Variants in HS3ST2 observed in about 807,000 individuals in gnomAD.
HS3ST2 encodes heparan sulfate glucosamine 3-O-sulfotransferase 2.
HS3ST2 carries 17 observed loss-of-function variants against 26.3 expected under a neutral mutation model. The observed-to-expected ratio is 0.65, with a 90% confidence interval of 0.44 to 0.97. HS3ST2 has a LOEUF of 0.97. Ranked by LOEUF, HS3ST2 falls within the 50% of genes least tolerant of loss-of-function variation. The pLI is 0.00. For synonymous variants in HS3ST2, 237 were observed against 219.2 expected (o/e 1.08, Z -0.72); for missense variants, 402 against 501.2 (o/e 0.80, Z 1.89).
chr16:22,882,655 C>G (rs926712465), intron 1 of HS3ST2, among the ~76,000 whole-genome samples: 6 of 152,032 alleles, frequency 3.9e-5, no homozygotes, highest in African/African-American at 1.4e-4. Context: ...TGCTTGAACC[C>G]AGGAGGCAGA....
chr16:22,852,658 A>G (rs1166274489), intron 1 of HS3ST2, among the ~76,000 whole-genome samples: 1 of 151,980 alleles, frequency 6.6e-6, no homozygotes, highest in African/African-American at 2.4e-5. Context: ...TCTCTGTCAC[A>G]TTCATTTTGT....
intron 1 of HS3ST2, among the ~76,000 whole-genome samples, chr16:22,847,625 T>A (rs1005224870): frequency 8.6e-5 from 13 of 150,958 alleles, no homozygotes; most frequent in African/African-American, 3.2e-4. Flanking sequence ...GGAAGAGAAG[T>A]ATGAGGATAA....
chr16:22,819,296 ACTG>A (rs1405570572), intron 1 of HS3ST2, among the ~76,000 whole-genome samples: 1 of 151,728 alleles, frequency 6.6e-6, no homozygotes, highest in Non-Finnish European at 1.5e-5. Context: ...TGATGCCTGA[ACTG>A]CTTTGCAACC....
intron 1 of HS3ST2, among the ~76,000 whole-genome samples, chr16:22,816,372 C>A (rs964757330): frequency 5.3e-5 from 8 of 152,178 alleles, no homozygotes; most frequent in Non-Finnish European, 7.3e-5. Context: ...AGAAAGAGGA[C>A]CCCACTGGGC....
chr16:22,891,520 C>T (rs147462050), intron 1 of HS3ST2, among the ~76,000 whole-genome samples: 125 of 151,552 alleles, frequency 8.2e-4, no homozygotes, highest in Middle Eastern at 3.4e-3. Flanking sequence ...AAGGGTGCAA[C>T]AAGGATATAA....
intron 1 of HS3ST2, among the ~76,000 whole-genome samples, chr16:22,851,649 C>T (rs919130155): frequency 1.3e-5 from 2 of 152,174 alleles, no homozygotes; most frequent in African/African-American, 4.8e-5. Context: ...AGTTGTTTAT[C>T]ATATTTCCTG....
chr16:22,900,235 G>A (rs1431391416), intron 1 of HS3ST2, among the ~76,000 whole-genome samples: 3 of 152,230 alleles, frequency 2.0e-5, no homozygotes, highest in African/African-American at 7.2e-5. Context: ...CATGCATGCT[G>A]TTTCGTGGCA....
chr16:22,891,757 C>A (rs1025278992), intron 1 of HS3ST2, among the ~76,000 whole-genome samples: 1 of 152,070 alleles, frequency 6.6e-6, no homozygotes, highest in Non-Finnish European at 1.5e-5. Context: ...CTCAGAGACC[C>A]GATGTAATAT....
At chr16:22,873,265 CT>C (rs1284302588) in intron 1 of HS3ST2, among the ~76,000 whole-genome samples, 12 of 152,290 alleles carry the variant, frequency 7.9e-5, no homozygotes, top group African/African-American at 2.9e-4. Context: ...TGAGCCTCAC[CT>C]TCAGTATGCG....
chr16:22,879,455 C>T (rs1175610020), intron 1 of HS3ST2, among the ~76,000 whole-genome samples: 1 of 152,114 alleles, frequency 6.6e-6, no homozygotes, highest in African/African-American at 2.4e-5. Context: ...CTGCACCATG[C>T]CCTTGGAAGG....
At chr16:22,817,642 C>T (rs1490300910) in intron 1 of HS3ST2, among the ~76,000 whole-genome samples, 1 of 152,238 alleles carries the variant, frequency 6.6e-6, no homozygotes, top group African/African-American at 2.4e-5. Context: ...GTTCCGCTCT[C>T]TGTCCACTGC....
chr16:22,912,750 A>T (rs1332499879), intron 1 of HS3ST2, among the ~76,000 whole-genome samples: 1 of 152,114 alleles, frequency 6.6e-6, no homozygotes, highest in Non-Finnish European at 1.5e-5. Context: ...CCACCCTACA[A>T]AAAGGGTGGT....
chr16:22,843,314 C>T (rs186638758), intron 1 of HS3ST2, among the ~76,000 whole-genome samples: 209 of 152,216 alleles, frequency 1.4e-3, no homozygotes, highest in Non-Finnish European at 2.5e-3. Context: ...TGACTGTCCT[C>T]TAATTCAATT....
At chr16:22,888,023 A>G (rs1179543679) in intron 1 of HS3ST2, among the ~76,000 whole-genome samples, 3 of 152,160 alleles carry the variant, frequency 2.0e-5, no homozygotes, top group Admixed American at 6.5e-5. Context: ...AGTTGGGACA[A>G]CTCTAGGTTG....
intron 1 of HS3ST2, among the ~76,000 whole-genome samples, chr16:22,897,517 T>G (rs1394687755): frequency 2.0e-5 from 3 of 152,230 alleles, no homozygotes; most frequent in Non-Finnish European, 2.9e-5. Flanking sequence ...GACTATTATT[T>G]TCTTAATATT....
At chr16:22,819,161 T>TTCCTTCCTTCCTTCCC (rs1900951530) in intron 1 of HS3ST2, among the ~76,000 whole-genome samples, 3 of 98,998 alleles carry the variant, frequency 3.0e-5, no homozygotes, top group Non-Finnish European at 4.7e-5. Flanking sequence ...CCTTCCCTCC[T>TTCCTTCCTTCCTTCCC]TCCTTCCTTC....
chr16:22,911,530 A>C (rs138942708), intron 1 of HS3ST2, among the ~76,000 whole-genome samples: 1 of 152,182 alleles, frequency 6.6e-6, no homozygotes, highest in African/African-American at 2.4e-5. Context: ...TCTGAGACCA[A>C]ATTGTTAGCA....
chr16:22,880,299 C>T (rs945281476), intron 1 of HS3ST2, among the ~76,000 whole-genome samples: 1 of 152,076 alleles, frequency 6.6e-6, no homozygotes, highest in African/African-American at 2.4e-5. Context: ...CACCTGTAGT[C>T]CCAGCTACAT....
intron 1 of HS3ST2, among the ~76,000 whole-genome samples, chr16:22,913,231 G>C (rs1902449179): frequency 6.6e-6 from 1 of 151,002 alleles, no homozygotes. Context: ...GCGCAGCCAG[G>C]ATTAAGAAAA....
Sources: allele counts gnomAD v4.1 joint callset (sites outside exome capture counted in the v4.1 genomes callset), GRCh38; gene constraint gnomAD v4.1.1; transcripts MANE v1.5; gene names NCBI Gene and HGNC (gene_info 2026-07-23, HGNC 2026-07-21).